KCNH1: variants seen among roughly 807,000 people sequenced by gnomAD.
KCNH1 encodes the protein voltage-gated delayed rectifier potassium channel KCNH1.
Under a neutral mutation model 69.2 loss-of-function variants are expected in KCNH1, and 27 were observed. The ratio of observed to expected loss-of-function variants is 0.39; its 90% CI spans 0.29 to 0.54. KCNH1 has a LOEUF of 0.54. Among genes scored for constraint, KCNH1 ranks in the 20% least tolerant of loss-of-function variants. The pLI is 0.68. For synonymous variants in KCNH1, 456 were observed against 487.7 expected, an observed-to-expected ratio of 0.93 and a Z score of 0.86; for missense variants, 798 against 1,261.6, an observed-to-expected ratio of 0.63 and a Z score of 5.57.
Position 210,683,503 on chromosome 1 carries a change from G to T in KCNH1, c.2748C>A (p.Pro916=). Residue 916 remains proline, a synonymous_variant, in exon 11 of 11, where the codon CCC becomes CCA. Coordinates refer to ENST00000271751, the MANE Select transcript of KCNH1 (RefSeq NM_172362.3). The surrounding 1 kb of genome is among the most constrained non-coding windows in gnomAD (Gnocchi z 5.7). Reference sequence around the variant, plus strand: ...TGGCCTGCAGCGTCTGCTCAGGGATGGGGTAGAACGAATGCTTGACCTCTG... The same window carrying T: ...TGGCCTGCAGCGTCTGCTCAGGGATTGGGTAGAACGAATGCTTGACCTCTG... ...ILAEVKHSFY[P]IPEQTLQATV... The T allele has an allele frequency of 6.2e-7, 1 of 1,614,164 alleles. No homozygotes were observed. Among genetic ancestry groups the T allele is most frequent in the Non-Finnish European group, 8.5e-7 (1 of 1,180,014 alleles).
intron 10 of KCNH1, among the ~76,000 whole-genome samples, chr1:210,747,642 C>CAAA (rs11449700): frequency 0.057 from 8,088 of 141,280 alleles, 337 homozygotes; most frequent in Non-Finnish European, 0.088. Flanking sequence ...CTTTCACATG[C>CAAA]AAAAAAAAAA....
At chr1:211,064,156 T>C (rs1219557858) in intron 5 of KCNH1, among the ~76,000 whole-genome samples, 3 of 152,194 alleles carry the variant, frequency 2.0e-5, no homozygotes, top group Non-Finnish European at 4.4e-5. Context: ...GATAGCTGAA[T>C]AGGTTTGGAT....
intron 7 of KCNH1, among the ~76,000 whole-genome samples, chr1:210,853,153 C>G (rs917792180): frequency 6.6e-6 from 1 of 152,092 alleles, no homozygotes; most frequent in South Asian, 2.1e-4. Flanking sequence ...TGGATTCAAC[C>G]CCTAGCTCTG....
intron 6 of KCNH1, among the ~76,000 whole-genome samples, chr1:210,994,661 A>G (rs1282156365): frequency 6.6e-6 from 1 of 152,222 alleles, no homozygotes; most frequent in Non-Finnish European, 1.5e-5. Flanking sequence ...GTAATCGTTT[A>G]GAAAATAATT....
Position 210,716,431 on chromosome 1 carries a change from C to CAAAAAAAA in KCNH1, c.2113-32301_2113-32294dup, listed in dbSNP as rs58725705. Among the ~76,000 whole-genome samples, 496 of 91,826 alleles carry CAAAAAAAA rather than the reference C, an allele frequency of 5.4e-3. 34 individuals carry two copies. Among genetic ancestry groups the CAAAAAAAA allele is most frequent in the African/African-American group, 0.02 (417 of 20,870 alleles). 60.2% of individuals were successfully genotyped at this position (91,826 alleles called of 152,430 possible). On this transcript the variant is annotated intron_variant, in intron 10 of 10. Transcript: ENST00000271751. Reference sequence around the variant, plus strand: ...TGGGCGACAGAGCAAGACTCCGTCTCAAAAAAAAAAAAAAAAAGCATGTTA... The same window carrying CAAAAAAAA: ...TGGGCGACAGAGCAAGACTCCGTCTCAAAAAAAAAAAAAAAAAAAAAAAAAGCATGTTA...
At chr1:211,112,501 TAAAAAAA>T (rs74258707) in intron 1 of KCNH1, among the ~76,000 whole-genome samples, 10 of 126,414 alleles carry the variant, frequency 7.9e-5, no homozygotes, top group Non-Finnish European at 1.2e-4. Flanking sequence ...ATTAAATAAA[TAAAAAAA>T]AAAAAAAAAA....
Position 210,751,298 on chromosome 1 carries a change from C to T in KCNH1, c.2112+24050G>A, listed in dbSNP as rs541405900. On this transcript the variant is annotated intron_variant, in intron 10 of 10. Coordinates refer to ENST00000271751, the MANE Select transcript of KCNH1 (RefSeq NM_172362.3). ...ATCACATTGATGAGGCTGCATTTGACAGAAGAGCTGGGAGGGCTGTGCAGG... is the reference window on the plus strand; with the variant it reads ...ATCACATTGATGAGGCTGCATTTGATAGAAGAGCTGGGAGGGCTGTGCAGG... 1.4e-4 allele frequency among the ~76,000 whole-genome samples: 22 copies of T among 152,282 alleles called. No individual in the cohort carries two copies. In the South Asian group the frequency reaches 4.6e-3, roughly 32 times the overall value.
chr1:210,741,779 C>A (rs1683038668), intron 10 of KCNH1, among the ~76,000 whole-genome samples: 1 of 152,150 alleles, frequency 6.6e-6, no homozygotes, highest in African/African-American at 2.4e-5. Context: ...AGCCCATCAA[C>A]CGACAGGGGC....
intron 7 of KCNH1, among the ~76,000 whole-genome samples, chr1:210,894,119 G>T (rs957417372): frequency 2.0e-5 from 3 of 151,974 alleles, no homozygotes; most frequent in Non-Finnish European, 4.4e-5. Context: ...TTGCTTAATT[G>T]GTCATTTTTA....
chr1:210,743,956 G>A (rs1683092684), intron 10 of KCNH1, among the ~76,000 whole-genome samples: 2 of 152,290 alleles, frequency 1.3e-5, no homozygotes, highest in South Asian at 4.1e-4. Flanking sequence ...ACTGTCCATT[G>A]AGGTGGGTGG....
intron 6 of KCNH1, among the ~76,000 whole-genome samples, chr1:211,017,226 T>C (rs1044672160): frequency 6.6e-6 from 1 of 152,162 alleles, no homozygotes; most frequent in African/African-American, 2.4e-5. Context: ...ATAGTTCTGT[T>C]TTCCCAGAGA....
intron 7 of KCNH1, among the ~76,000 whole-genome samples, chr1:210,892,886 T>G (rs1014796348): frequency 6.6e-6 from 1 of 152,206 alleles, no homozygotes; most frequent in Non-Finnish European, 1.5e-5. Context: ...ATATAGTCCC[T>G]GCCCTAAAGC....
intron 10 of KCNH1, among the ~76,000 whole-genome samples, chr1:210,699,404 C>G (rs929406561): frequency 6.6e-6 from 1 of 152,180 alleles, no homozygotes; most frequent in East Asian, 1.9e-4. Context: ...CAGGGGAATA[C>G]CTTTGTAGCA....
chr1:210,836,944 C>T (rs1287561565), intron 7 of KCNH1, among the ~76,000 whole-genome samples: 1 of 152,198 alleles, frequency 6.6e-6, no homozygotes, highest in African/African-American at 2.4e-5. Context: ...CTGCTTACTT[C>T]ATCTATTCTA....
intron 7 of KCNH1, among the ~76,000 whole-genome samples, chr1:210,898,491 C>T (rs1686919152): frequency 6.6e-6 from 1 of 152,126 alleles, no homozygotes; most frequent in Non-Finnish European, 1.5e-5. Context: ...ATAATATTGG[C>T]TTTAGACACC....
intron 7 of KCNH1, among the ~76,000 whole-genome samples, chr1:210,864,927 A>G (rs182352806): frequency 6.6e-6 from 1 of 152,310 alleles, no homozygotes; most frequent in African/African-American, 2.4e-5. Context: ...ACACCTATAC[A>G]TGGCCCTTCC....
intron 5 of KCNH1, among the ~76,000 whole-genome samples, chr1:211,080,317 G>A (rs1408219268): frequency 2.0e-5 from 3 of 152,190 alleles, no homozygotes; most frequent in Non-Finnish European, 4.4e-5. Context: ...TGAAATAAAA[G>A]AGGACACAAA....
At chr1:210,959,229 A>C (rs765016391) in intron 6 of KCNH1, among the ~76,000 whole-genome samples, 1 of 152,240 alleles carries the variant, frequency 6.6e-6, no homozygotes, top group East Asian at 1.9e-4. Flanking sequence ...TGTATGCCTG[A>C]GTATCACCAG....
intron 5 of KCNH1, among the ~76,000 whole-genome samples, chr1:211,047,318 T>C (rs1378400913): frequency 6.6e-6 from 1 of 152,162 alleles, no homozygotes; most frequent in Non-Finnish European, 1.5e-5. Context: ...GGATCAACTA[T>C]ATACATATTA....
Sources: allele counts gnomAD v4.1 joint callset (sites outside exome capture counted in the v4.1 genomes callset), GRCh38; gene constraint gnomAD v4.1.1; non-coding constraint Gnocchi (gnomAD v3.1); transcripts MANE v1.5; gene names NCBI Gene and HGNC (gene_info 2026-07-23, HGNC 2026-07-21).